The following MYO18B variants were observed in gnomAD, a reference collection of about 807,000 sequenced individuals.
The protein encoded by MYO18B is unconventional myosin-XVIIIb.
A neutral mutation model predicts 273.0 loss-of-function variants in MYO18B; 204 were observed. That is an observed-to-expected ratio of 0.75 (90% CI 0.67 to 0.84). MYO18B has a LOEUF of 0.84. MYO18B is among the 40% of genes least tolerant of loss of function. The probability of loss-of-function intolerance (pLI) is 0.00; values close to 1 mark genes in which losing one functional copy is unlikely to be tolerated. For synonymous variants in MYO18B, 1,330 were observed against 1,305.7 expected (o/e 1.02, Z -0.40); for missense variants, 3,212 against 3,287.6 (o/e 0.98, Z 0.56).
At chr22:25,779,970 G>T (rs2087065666) in intron 8 of MYO18B, 86 bp from the exon 9 acceptor site, 3 of 1,459,270 alleles carry the variant, frequency 2.1e-6, no homozygotes, top group African/African-American at 1.4e-5. Context: ...CCCAAGCAGG[G>T]GCCGTGGAAA....
chr22:25,991,540 A>C (rs565014684), intron 39 of MYO18B, among the ~76,000 whole-genome samples: 18 of 152,324 alleles, frequency 1.2e-4, no homozygotes, highest in Admixed American at 7.2e-4. Context: ...GTTGCAAATT[A>C]AAGTCAGAGA....
chr22:25,771,064 C>A, intron 6 of MYO18B, 80 bp downstream of exon 6: 2 of 996,086 alleles, frequency 2.0e-6, no homozygotes, highest in South Asian at 1.5e-5. Flanking sequence ...CTTCCCCAGT[C>A]CTGCAAGAGA....
intron 17 of MYO18B, among the ~76,000 whole-genome samples, chr22:25,839,626 C>T (rs780967507): frequency 1.3e-5 from 2 of 152,140 alleles, no homozygotes; most frequent in South Asian, 2.1e-4. Context: ...ACAGGGCTAG[C>T]GCTGAACCTG....
At chr22:26,026,294 T>A in intron 42 of MYO18B, 151 bp from the exon 43 acceptor site, 5 of 948,482 alleles carry the variant, frequency 5.3e-6, no homozygotes, top group Non-Finnish European at 7.8e-6. Context: ...AATTTGCACA[T>A]TAAATCATAT....
chr22:25,795,139 A>G (rs1291588046), intron 11 of MYO18B, among the ~76,000 whole-genome samples: 1 of 152,150 alleles, frequency 6.6e-6, no homozygotes, highest in Non-Finnish European at 1.5e-5. Flanking sequence ...CTCTGGGTAT[A>G]CCACTCTTTG....
intron 34 of MYO18B, among the ~76,000 whole-genome samples, chr22:25,927,030 T>C (rs5761320): frequency 0.35 from 53,989 of 152,090 alleles, 10,408 homozygotes; most frequent in African/African-American, 0.48. Context: ...TGCCTGTCTT[T>C]ACTTTAATCT....
chr22:25,864,636 C>G (rs2090835055), intron 21 of MYO18B, among the ~76,000 whole-genome samples: 1 of 152,208 alleles, frequency 6.6e-6, no homozygotes, highest in Admixed American at 6.5e-5. Context: ...ACTTCCTAAA[C>G]ACGTGAGCTT....
intron 24 of MYO18B, 141 bp downstream of exon 24, chr22:25,876,473 C>A: frequency 1.1e-6 from 1 of 885,786 alleles, no homozygotes; most frequent in Non-Finnish European, 1.6e-6. Context: ...ATGCCCCTTC[C>A]AGATGTTCCT....
Position 25,829,856 on chromosome 22 carries a change from T to TATAAA in MYO18B, c.2979+904_2979+908dup, listed in dbSNP as rs986966790. On this transcript the variant is annotated intron_variant, in intron 15 of 43. Transcript: ENST00000335473. The stretch of plus-strand genomic sequence containing the variant: ...CCATCTCAAAAAATAATAATAATAA[T>TATAAA]ATAAAATAAAATAAAATAAATAAAA... 5.9e-4 allele frequency among the ~76,000 whole-genome samples: 89 copies of TATAAA among 151,142 alleles called. 1 individual carries two copies. Among genetic ancestry groups the TATAAA allele is most frequent in the African/African-American group, 1.9e-3 (80 of 41,308 alleles).
At chr22:25,910,695 G>C (rs1482535565) in intron 32 of MYO18B, among the ~76,000 whole-genome samples, 1 of 152,140 alleles carries the variant, frequency 6.6e-6, no homozygotes, top group Non-Finnish European at 1.5e-5. Context: ...GGGGACCTGG[G>C]GGAGGGGGTT....
chr22:26,046,965 A>G, the MYO18B span, among the ~76,000 whole-genome samples: 6 of 151,942 alleles, frequency 3.9e-5, no homozygotes, highest in Non-Finnish European at 7.4e-5. Flanking sequence ...GTTCTCCTCC[A>G]TGGGTTTGCC....
At chr22:25,805,464 GCT>G (rs767693072) in intron 12 of MYO18B, among the ~76,000 whole-genome samples, 87 of 152,300 alleles carry the variant, frequency 5.7e-4, no homozygotes, top group Admixed American at 1.7e-3. Context: ...GAGCCCTAGA[GCT>G]CTCTCCAGGG....
chr22:25,851,720 G>A, intron 21 of MYO18B, 141 bp downstream of exon 21: 6 of 669,792 alleles, frequency 9.0e-6, no homozygotes, highest in Non-Finnish European at 1.6e-5. Flanking sequence ...TGGATCACTT[G>A]AGTCCAGGAG....
intron 39 of MYO18B, among the ~76,000 whole-genome samples, chr22:25,957,540 C>G (rs950198631): frequency 6.6e-6 from 1 of 152,192 alleles, no homozygotes; most frequent in South Asian, 2.1e-4. Flanking sequence ...AAGGAGTGTT[C>G]GTTTCCTAGG....
At chr22:26,058,754 AC>A in the MYO18B span, among the ~76,000 whole-genome samples, 1 of 151,874 alleles carries the variant, frequency 6.6e-6, no homozygotes, top group Non-Finnish European at 1.5e-5. Context: ...ACATACACTC[AC>A]CTTTGTCTTC....
At chr22:25,903,481 C>A in intron 30 of MYO18B, 150 bp from the exon 31 acceptor site, 1 of 745,606 alleles carries the variant, frequency 1.3e-6, no homozygotes, top group Non-Finnish European at 2.2e-6. Flanking sequence ...ACAGGGGGCG[C>A]TGTGAGGGAC....
rs529810910 is a variant in MYO18B at position 25,752,437 on chromosome 22, T to C, written c.-109-8547T>C. Among the ~76,000 whole-genome samples the C allele has an allele frequency of 4.6e-5, 7 of 151,948 alleles. No individual in the cohort carries two copies. The East Asian group carries it at 1.4e-3, about 30-fold the overall frequency. ...CTCCTGACCTCGTGATCCGCCCGCC[T>C]CGGCCTCACAAAGTGCTGGGATTAC... On this transcript the variant is annotated intron_variant, in intron 1 of 43. Coordinates refer to ENST00000335473, the MANE Select transcript of MYO18B (RefSeq NM_032608.7).
intron 20 of MYO18B, among the ~76,000 whole-genome samples, chr22:25,848,004 G>A (rs1052510258): frequency 1.3e-5 from 2 of 151,454 alleles, no homozygotes; most frequent in African/African-American, 4.9e-5. Context: ...GCACGTGCAG[G>A]TTTGTTACAT....
chr22:25,981,680 G>A (rs1002670686), intron 39 of MYO18B, among the ~76,000 whole-genome samples: 2 of 152,226 alleles, frequency 1.3e-5, no homozygotes, highest in African/African-American at 4.8e-5. Context: ...AGGAGTTTGT[G>A]GCTGCAGTGA....
Sources: allele counts gnomAD v4.1 joint callset (sites outside exome capture counted in the v4.1 genomes callset), GRCh38; gene constraint gnomAD v4.1.1; transcripts MANE v1.5; gene names NCBI Gene and HGNC (gene_info 2026-07-23, HGNC 2026-07-21).